Variants in PPP2R3A observed in about 807,000 individuals in gnomAD.
The protein encoded by PPP2R3A is protein phosphatase 2 regulatory subunit B''alpha, also known as serine/threonine-protein phosphatase 2A regulatory subunit B'' subunit alpha.
In PPP2R3A, 80 loss-of-function variants were observed where a neutral mutation model predicts 106.9. That is an observed-to-expected ratio of 0.75 (90% CI 0.62 to 0.90). The LOEUF (loss-of-function observed/expected upper bound fraction) is 0.90, where lower values mean the gene tolerates loss of function less well. Among genes scored for constraint, PPP2R3A ranks in the 40% least tolerant of loss-of-function variants. The pLI is 0.00. For missense variants in PPP2R3A, 1,386 were observed against 1,350.4 expected (o/e 1.03, Z -0.41); for synonymous variants, 483 against 468.3 (o/e 1.03, Z -0.41).
intron 13 of PPP2R3A, among the ~76,000 whole-genome samples, chr3:136,130,244 C>T (rs1335877876): frequency 6.6e-6 from 1 of 152,170 alleles, no homozygotes; most frequent in African/African-American, 2.4e-5. Flanking sequence ...TTGCAGATGC[C>T]ATGATTGTAT....
intron 3 of PPP2R3A, among the ~76,000 whole-genome samples, chr3:136,034,277 C>G (rs1350024603): frequency 6.6e-6 from 1 of 152,052 alleles, no homozygotes; most frequent in Non-Finnish European, 1.5e-5. Flanking sequence ...CCTCATGAAC[C>G]ACCGACCTCG....
chr3:136,023,211 T>G, intron 2 of PPP2R3A: 1 of 1,597,336 alleles, frequency 6.3e-7, no homozygotes. Context: ...GGTTTGAAAT[T>G]TGGGTGTTTT....
chr3:136,140,200 A>G (rs1938800993), intron 13 of PPP2R3A, among the ~76,000 whole-genome samples: 1 of 151,936 alleles, frequency 6.6e-6, no homozygotes. Flanking sequence ...AGAAGTGGCC[A>G]TGCAGAAGGA....
chr3:136,117,706 A>G (rs1214663215), intron 13 of PPP2R3A, among the ~76,000 whole-genome samples: 1 of 152,220 alleles, frequency 6.6e-6, no homozygotes, highest in Non-Finnish European at 1.5e-5. Context: ...GAATAGACCA[A>G]TAACTTCTGA....
intron 6 of PPP2R3A, among the ~76,000 whole-genome samples, chr3:136,073,702 TAAA>T (rs1325063304): frequency 1.3e-5 from 2 of 152,038 alleles, no homozygotes; most frequent in African/African-American, 4.8e-5. Flanking sequence ...AAAGGGCAAA[TAAA>T]AAGTATAAAA....
intron 9 of PPP2R3A, 23 bp from the exon 10 acceptor site, chr3:136,090,555 T>C: frequency 6.3e-7 from 1 of 1,588,256 alleles, no homozygotes; most frequent in Non-Finnish European, 8.6e-7. Flanking sequence ...TCAGGAAATT[T>C]TATAACCATG....
intron 5 of PPP2R3A, among the ~76,000 whole-genome samples, chr3:136,061,376 C>G (rs1477544651): frequency 4.6e-5 from 7 of 152,076 alleles, no homozygotes; most frequent in Non-Finnish European, 1.0e-4. Context: ...ACCTGTAATC[C>G]CAACACTTTG....
chr3:136,132,652 G>C (rs1938470108), intron 13 of PPP2R3A, among the ~76,000 whole-genome samples: 1 of 151,790 alleles, frequency 6.6e-6, no homozygotes, highest in Non-Finnish European at 1.5e-5. Flanking sequence ...AGATTAGAAG[G>C]CTCAGCGTTG....
intron 13 of PPP2R3A, among the ~76,000 whole-genome samples, chr3:136,133,848 C>G (rs1485887832): frequency 2.0e-5 from 3 of 147,034 alleles, no homozygotes; most frequent in Non-Finnish European, 4.5e-5. Flanking sequence ...TGAGATTGTG[C>G]CATTGCACTC....
chr3:135,991,486 A>T (rs1243080495), intron 1 of PPP2R3A, among the ~76,000 whole-genome samples: 1 of 152,166 alleles, frequency 6.6e-6, no homozygotes, highest in African/African-American at 2.4e-5. Flanking sequence ...TAAAAGTTTA[A>T]CCCCAAATAT....
intron 2 of PPP2R3A, among the ~76,000 whole-genome samples, chr3:136,012,748 TAAAG>T (rs1454312642): frequency 6.6e-6 from 1 of 152,210 alleles, no homozygotes; most frequent in African/African-American, 2.4e-5. Flanking sequence ...AGGGATATTT[TAAAG>T]AAAGTCTGTG....
chr3:136,103,437 A>G, intron 12 of PPP2R3A, 61 bp downstream of exon 12: 1 of 1,146,876 alleles, frequency 8.7e-7, no homozygotes, highest in Non-Finnish European at 1.3e-6. Context: ...TGTGTGCTAC[A>G]TATTAACATG....
chr3:136,020,072 A>G (rs1037237013), intron 2 of PPP2R3A, among the ~76,000 whole-genome samples: 1 of 152,106 alleles, frequency 6.6e-6, no homozygotes, highest in African/African-American at 2.4e-5. Flanking sequence ...TGTCTGGCAT[A>G]TAAGTGATTA....
At chr3:136,013,160 G>A (rs1182937376) in intron 2 of PPP2R3A, among the ~76,000 whole-genome samples, 2 of 95,936 alleles carry the variant, frequency 2.1e-5, no homozygotes, top group Non-Finnish European at 2.4e-5. Flanking sequence ...ATTCCATGGT[G>A]TGTGTGTGTG....
At chr3:136,026,714 C>CCTTACCACCTTTA (rs1191886812) in intron 2 of PPP2R3A, 118 bp from the exon 3 acceptor site, 23 of 872,712 alleles carry the variant, frequency 2.6e-5, no homozygotes, top group Non-Finnish European at 3.8e-5. Flanking sequence ...TTTAAGAGTA[C>CCTTACCACCTTTA]AGTGAGCCCT....
intron 1 of PPP2R3A, among the ~76,000 whole-genome samples, chr3:135,999,838 A>G (rs1217366868): frequency 1.3e-5 from 2 of 151,838 alleles, no homozygotes; most frequent in African/African-American, 2.4e-5. Context: ...CAGTGGCGTG[A>G]TCTCGGCTCA....
intron 5 of PPP2R3A, among the ~76,000 whole-genome samples, chr3:136,053,247 C>A (rs1935742031): frequency 1.3e-5 from 2 of 151,848 alleles, no homozygotes; most frequent in South Asian, 4.2e-4. Context: ...ATGAGTTTAC[C>A]CATGTAACAA....
chr3:136,074,655 A>T (rs1247907888), intron 6 of PPP2R3A, among the ~76,000 whole-genome samples: 1 of 152,194 alleles, frequency 6.6e-6, no homozygotes, highest in Non-Finnish European at 1.5e-5. Context: ...GGCAGTAGAG[A>T]TATTTCTGTG....
intron 5 of PPP2R3A, among the ~76,000 whole-genome samples, chr3:136,059,212 G>A (rs1354817262): frequency 6.6e-6 from 1 of 151,944 alleles, no homozygotes; most frequent in Non-Finnish European, 1.5e-5. Flanking sequence ...CCTACAGAAT[G>A]GGAGAAAATT....
Sources: allele counts gnomAD v4.1 joint callset (sites outside exome capture counted in the v4.1 genomes callset), GRCh38; gene constraint gnomAD v4.1.1; transcripts MANE v1.5; gene names NCBI Gene and HGNC (gene_info 2026-07-23, HGNC 2026-07-21).